ESRRG: variants seen among roughly 807,000 people sequenced by gnomAD.
The protein encoded by ESRRG is estrogen related receptor gamma, also known as estrogen-related receptor gamma.
A neutral mutation model predicts 44.0 loss-of-function variants in ESRRG; 13 were observed. The observed-to-expected ratio is 0.30, with a 90% confidence interval of 0.19 to 0.47. ESRRG has a LOEUF of 0.47. Ranked by LOEUF, ESRRG falls within the 20% of genes least tolerant of loss-of-function variation. The pLI, the probability that ESRRG is intolerant of heterozygous loss-of-function variation, is 1.00. For missense variants in ESRRG, 395 were observed against 580.6 expected (o/e 0.68, Z 3.29); for synonymous variants, 215 against 214.6 (o/e 1.00, Z -0.02).
intron 5 of ESRRG, among the ~76,000 whole-genome samples, chr1:216,532,438 T>C (rs146054731): frequency 0.01 from 1,539 of 152,266 alleles, 9 homozygotes; most frequent in Middle Eastern, 0.017. Context: ...TGGAAAGTAA[T>C]TTCAAATAAT....
At chr1:216,688,811 G>A (rs181101812) in intron 1 of ESRRG, among the ~76,000 whole-genome samples, 1 of 152,236 alleles carries the variant, frequency 6.6e-6, no homozygotes, top group East Asian at 1.9e-4. Flanking sequence ...AAATCACTTT[G>A]TCATCGCTTT....
chr1:216,593,200 C>T (rs1857403), intron 3 of ESRRG, among the ~76,000 whole-genome samples: 126,318 of 152,198 alleles, frequency 0.83, 52,734 homozygotes, highest in African/African-American at 0.87. Context: ...TGGATGACTG[C>T]AGTAATCTAT....
intron 2 of ESRRG, among the ~76,000 whole-genome samples, chr1:216,742,260 C>G (rs903814239): frequency 6.6e-6 from 1 of 151,998 alleles, no homozygotes; most frequent in African/African-American, 2.4e-5. Flanking sequence ...TGTGATATGT[C>G]TTTATAAAGT....
At chr1:216,584,317 C>T (rs1056015278) in intron 3 of ESRRG, among the ~76,000 whole-genome samples, 6 of 150,162 alleles carry the variant, frequency 4.0e-5, no homozygotes, top group Non-Finnish European at 5.9e-5. Flanking sequence ...AGTGCAGTGG[C>T]GTGATCTCGG....
intron 3 of ESRRG, among the ~76,000 whole-genome samples, chr1:216,618,705 G>A (rs2061755762): frequency 6.6e-6 from 1 of 152,152 alleles, no homozygotes; most frequent in African/African-American, 2.4e-5. Context: ...TCCTAATCCA[G>A]GGGAGAGCAT....
chr1:216,888,549 A>C (rs2057355639), intron 2 of ESRRG, among the ~76,000 whole-genome samples: 1 of 152,154 alleles, frequency 6.6e-6, no homozygotes, highest in Admixed American at 6.6e-5. Flanking sequence ...AGCAAGATAA[A>C]TTTACTATAG....
chr1:216,631,646 T>A (rs1458816206), intron 3 of ESRRG, among the ~76,000 whole-genome samples: 2 of 152,148 alleles, frequency 1.3e-5, no homozygotes, highest in Non-Finnish European at 1.5e-5. Flanking sequence ...GGGATATATG[T>A]ACGTATATAA....
chr1:217,097,213 C>T (rs1055544932), intron 1 of ESRRG, among the ~76,000 whole-genome samples: 12 of 152,016 alleles, frequency 7.9e-5, no homozygotes, highest in African/African-American at 2.9e-4. Context: ...TGAAGCTTAT[C>T]CCTTCTCCTT....
chr1:216,737,104 G>T (rs2090051265), intron 2 of ESRRG, among the ~76,000 whole-genome samples: 1 of 152,210 alleles, frequency 6.6e-6, no homozygotes, highest in Admixed American at 6.5e-5. Context: ...CTACGGCTCA[G>T]TTTACAGAGA....
intron 1 of ESRRG, among the ~76,000 whole-genome samples, chr1:216,946,818 A>G (rs1232527600): frequency 1.3e-5 from 2 of 151,828 alleles, no homozygotes; most frequent in African/African-American, 4.8e-5. Context: ...CTCCTGCCTC[A>G]GCCTCCTGAG....
At chr1:216,752,872 G>A (rs2092150532) in intron 2 of ESRRG, among the ~76,000 whole-genome samples, 1 of 152,058 alleles carries the variant, frequency 6.6e-6, no homozygotes, top group Non-Finnish European at 1.5e-5. Flanking sequence ...TACTTCATTG[G>A]ACTGTTGGGA....
chr1:216,553,598 T>C (rs1024542553), intron 5 of ESRRG, among the ~76,000 whole-genome samples: 1 of 152,172 alleles, frequency 6.6e-6, no homozygotes, highest in African/African-American at 2.4e-5. Flanking sequence ...AGTTTCAGAT[T>C]AAGTTGAATT....
At chr1:217,088,398 CTTTTTTTTTTTTTT>C (rs71585811) in intron 1 of ESRRG, among the ~76,000 whole-genome samples, 7 of 59,738 alleles carry the variant, frequency 1.2e-4, no homozygotes, top group African/African-American at 5.1e-4. Flanking sequence ...TTTTTCCTGT[CTTTTTTTTTTTTTT>C]TTTTTTTTTT....
At chr1:216,573,633 A>G (rs2061215914) in intron 3 of ESRRG, among the ~76,000 whole-genome samples, 1 of 151,814 alleles carries the variant, frequency 6.6e-6, no homozygotes, top group Non-Finnish European at 1.5e-5. Context: ...TAATAATACT[A>G]TTTGATGTTT....
chr1:216,846,078 T>C (rs12085183), intron 2 of ESRRG, among the ~76,000 whole-genome samples: 5,109 of 152,240 alleles, frequency 0.034, 299 homozygotes, highest in African/African-American at 0.11. Context: ...ATTTAAATCA[T>C]GTAAAAAGAA....
intron 2 of ESRRG, among the ~76,000 whole-genome samples, chr1:216,769,560 G>C (rs1465042231): frequency 6.6e-6 from 1 of 152,070 alleles, no homozygotes; most frequent in Non-Finnish European, 1.5e-5. Flanking sequence ...GAACAATCTA[G>C]TGCATACATG....
chr1:216,630,564 CAG>C (rs1404209096), intron 3 of ESRRG, among the ~76,000 whole-genome samples: 1 of 151,980 alleles, frequency 6.6e-6, no homozygotes, highest in Non-Finnish European at 1.5e-5. Flanking sequence ...CTGCTGAAAA[CAG>C]GGGTTGATAA....
intron 3 of ESRRG, among the ~76,000 whole-genome samples, chr1:216,607,984 C>T (rs933137494): frequency 6.6e-6 from 1 of 152,150 alleles, no homozygotes; most frequent in African/African-American, 2.4e-5. Flanking sequence ...TCAAGGAGTA[C>T]TAATGTCATT....
chr1:216,601,412 A>G (rs866580503), intron 3 of ESRRG, among the ~76,000 whole-genome samples: 1 of 152,204 alleles, frequency 6.6e-6, no homozygotes, highest in Non-Finnish European at 1.5e-5. Context: ...GGCTCCAAGC[A>G]TCCTAGAAAA....
Sources: gnomAD v4.1 joint callset for allele counts (sites outside exome capture counted in the v4.1 genomes callset) on GRCh38, gnomAD v4.1.1 for gene constraint, MANE v1.5 for transcripts, NCBI Gene and HGNC (gene_info 2026-07-23, HGNC 2026-07-21) for gene names.